Variants in CFAP77 observed in about 807,000 individuals in gnomAD.
The protein encoded by CFAP77 is cilia and flagella associated protein 77, also known as cilia- and flagella-associated protein 77.
CFAP77 carries 25 observed loss-of-function variants against 31.1 expected under a neutral mutation model. The ratio of observed to expected loss-of-function variants is 0.80; its 90% confidence interval spans 0.59 to 1.12. CFAP77 has a LOEUF of 1.12. CFAP77 is among the 50% of genes most tolerant of loss of function. The pLI is 0.00. For synonymous variants in CFAP77, 151 were observed against 159.9 expected, an observed-to-expected ratio of 0.94 and a Z score of 0.42; for missense variants, 377 against 397.3, an observed-to-expected ratio of 0.95 and a Z score of 0.44.
chr9:132,496,206 T>TAAA (rs61589827), intron 1 of CFAP77, among the ~76,000 whole-genome samples: 26 of 152,058 alleles, frequency 1.7e-4, no homozygotes, highest in African/African-American at 5.5e-4. Flanking sequence ...TCTATTTTTT[T>TAAA]AAAAAAAACC....
intron 3 of CFAP77, among the ~76,000 whole-genome samples, chr9:132,514,031 G>A (rs1419532430): frequency 7.9e-6 from 1 of 127,202 alleles, no homozygotes; most frequent in Non-Finnish European, 1.7e-5. Context: ...CTGAACACGG[G>A]TGACAGTGAG....
intron 1 of CFAP77, among the ~76,000 whole-genome samples, chr9:132,451,807 C>CTT (rs374213873): frequency 0.028 from 4,010 of 141,680 alleles, 143 homozygotes; most frequent in East Asian, 0.17. Flanking sequence ...TTTTTCTTTT[C>CTT]TTTTTTTTTT....
intron 1 of CFAP77, among the ~76,000 whole-genome samples, chr9:132,484,201 G>A (rs961802254): frequency 3.9e-5 from 6 of 152,252 alleles, no homozygotes; most frequent in Admixed American, 3.9e-4. Context: ...GCCTCCCAAA[G>A]TGTTGGGATT....
chr9:132,448,292 T>A (rs1332057963), intron 1 of CFAP77, among the ~76,000 whole-genome samples: 1 of 152,128 alleles, frequency 6.6e-6, no homozygotes, highest in African/African-American at 2.4e-5. Flanking sequence ...AGGAGAAGAA[T>A]GGAATGACTC....
intron 1 of CFAP77, among the ~76,000 whole-genome samples, chr9:132,457,321 G>C (rs1362893022): frequency 7.1e-6 from 1 of 141,522 alleles, no homozygotes. Flanking sequence ...GGGGGGCGGG[G>C]GGAGAAAGGA....
chr9:132,471,447 C>G lies in CFAP77; in HGVS notation c.196-27248C>G, dbSNP rs576129482. On this transcript the variant is annotated intron_variant, in intron 1 of 5. Transcript: ENST00000393216. ...CTTCTTCCTATTCCTTTAAGGACCC[C>G]CCCCCACCGTTGCCCACACACACAC... Among the ~76,000 whole-genome samples, 258 of 152,016 alleles carry G rather than the reference C, an allele frequency of 1.7e-3. 1 individual carries two copies. The highest frequency in any genetic ancestry group is 6.0e-3 in the African/African-American group (248 of 41,454).
rs1852071140 is a variant in CFAP77 at position 132,513,164 on chromosome 9, ACT to A, written c.524+13567_524+13568del. ...CTCCTCAAGCACACAATCCAATTCT[ACT>A]CTTAGTTATTTTTAAATGTGCAATT... On this transcript the variant is annotated intron_variant, in intron 3 of 5. Coordinates refer to ENST00000393216, the MANE Select transcript of CFAP77 (RefSeq NM_001282957.2). 4 of 1,296,110 alleles carry A rather than the reference ACT, an allele frequency of 3.1e-6. No individual in the cohort carries two copies. In the East Asian group the frequency reaches 1.0e-4, roughly 33 times the overall value. 80.3% of individuals were successfully genotyped at this position (1,296,110 alleles called of 1,614,324 possible). A position where few individuals can be genotyped will look rare whatever the true frequency, so the allele number is the denominator to read the frequency against.
chr9:132,410,535 C>CA, intron 1 of CFAP77, 69 bp downstream of exon 1: 1 of 1,359,874 alleles, frequency 7.4e-7, no homozygotes, highest in Non-Finnish European at 9.8e-7. Flanking sequence ...CGGGGGTCCC[C>CA]ACCCGCAGCG....
chr9:132,518,358 G>A lies in CFAP77; in HGVS notation c.524+18758G>A, dbSNP rs542772368. ...CGAGATGACTGGATCATTCAGACCC[G>A]CCTTGGAGCCGCTCAGCACACAGCT... On this transcript the variant is annotated intron_variant, in intron 3 of 5. Coordinates refer to ENST00000393216, the MANE Select transcript of CFAP77 (RefSeq NM_001282957.2). Among the ~76,000 whole-genome samples the A allele has an allele frequency of 1.8e-4, 28 of 152,248 alleles. No homozygotes were observed. In the South Asian group the frequency reaches 4.8e-3, roughly 26 times the overall value.
intron 1 of CFAP77, among the ~76,000 whole-genome samples, chr9:132,468,743 T>C (rs1472162180): frequency 2.0e-5 from 3 of 151,958 alleles, no homozygotes; most frequent in Non-Finnish European, 4.4e-5. Flanking sequence ...ACCTTTCACA[T>C]TGTAGGTGCT....
At chr9:132,473,105 G>T (rs1000211969) in intron 1 of CFAP77, among the ~76,000 whole-genome samples, 2 of 152,112 alleles carry the variant, frequency 1.3e-5, no homozygotes, top group African/African-American at 4.8e-5. Context: ...GGAGTCAGGG[G>T]TTGGGGGAGG....
chr9:132,482,171 C>G, intron 1 of CFAP77: 21 of 576,248 alleles, frequency 3.6e-5, no homozygotes, highest in Non-Finnish European at 4.0e-5. Context: ...TTTTCCTTTT[C>G]TCTCTTTCTT....
rs749849495 is a variant in CFAP77, at chr9:132,537,649, G to A, written c.573G>A (p.Leu191=). 6.2e-6 allele frequency: 10 copies of A among 1,613,628 alleles called. No individual in the cohort carries two copies. Among genetic ancestry groups the A allele is most frequent in the Non-Finnish European group, 6.8e-6 (8 of 1,179,758 alleles). ...TGCTGCAGCACCGGTACCTGCAGCT[G>A]TGGGTACAGGAACAAAAGGCCACCC... ...FDLLQHRYLQ[L]WVQEQKATQK... The change falls in exon 4 of 6, where the codon CTG becomes CTA. Residue 191 remains leucine (L), a synonymous_variant. Transcript: ENST00000393216.
rs200071680 is a variant in CFAP77, at chr9:132,499,035, C to CA, written c.295+241_295+242insA. On this transcript the variant is annotated intron_variant, in intron 2 of 5. Transcript: ENST00000393216. This position sits in a 1 kb window ranked among gnomAD's most constrained non-coding sequence, Gnocchi z 5.4. Reference sequence around the variant, plus strand: ...GCATGGGTATCCCCGCACCGCCCCCCTTCCCCGCCGCCGGCAGGGACTGTG... The same window carrying CA: ...GCATGGGTATCCCCGCACCGCCCCCCATTCCCCGCCGCCGGCAGGGACTGTG... Among the ~76,000 whole-genome samples the CA allele has an allele frequency of 5.1e-3, 780 of 152,228 alleles. 8 individuals carry two copies. The highest frequency in any genetic ancestry group is 0.018 in the African/African-American group (732 of 41,510).
At chr9:132,428,220 G>C (rs1389199047) in intron 1 of CFAP77, among the ~76,000 whole-genome samples, 1 of 151,076 alleles carries the variant, frequency 6.6e-6, no homozygotes, top group Non-Finnish European at 1.5e-5. Flanking sequence ...GTGTTACCCA[G>C]TCTGTTCTCA....
At chr9:132,439,787 T>A (rs188678873) in intron 1 of CFAP77, among the ~76,000 whole-genome samples, 1 of 147,810 alleles carries the variant, frequency 6.8e-6, no homozygotes, top group Non-Finnish European at 1.5e-5. Context: ...AGGCGGAGCT[T>A]GTAGTGAGCC....
rs974055020 is a variant in CFAP77 at position 132,554,924 on chromosome 9, G to GCATGCATCCATC, written c.732+11880_732+11881insGCATCCATCCAT. Among the ~76,000 whole-genome samples the GCATGCATCCATC allele has an allele frequency of 1.4e-5, 2 of 138,930 alleles. No homozygotes were observed. Among genetic ancestry groups the GCATGCATCCATC allele is most frequent in the Middle Eastern group, 3.8e-3 (1 of 266 alleles). The allele number at this position is 138,930 out of a possible 152,430, so 91.1% of individuals were successfully genotyped here. ...TCCATCCATCTATGCATGCATGCAT[G>GCATGCATCCATC]CATCCATCCATCCACCCATCCATCC... is the stretch of plus-strand genomic sequence containing the variant. On this transcript the variant is annotated intron_variant, in intron 5 of 5. Coordinates refer to ENST00000393216, the MANE Select transcript of CFAP77 (RefSeq NM_001282957.2). The surrounding 1 kb of genome is among the most constrained non-coding windows in gnomAD (Gnocchi z 4.1).
intron 1 of CFAP77, among the ~76,000 whole-genome samples, chr9:132,464,556 A>G (rs1037419604): frequency 1.3e-5 from 2 of 152,224 alleles, no homozygotes; most frequent in African/African-American, 4.8e-5. Context: ...ATGACATATT[A>G]TTTAACCCAC....
At chr9:132,448,776 G>A (rs1405971250) in intron 1 of CFAP77, among the ~76,000 whole-genome samples, 1 of 152,006 alleles carries the variant, frequency 6.6e-6, no homozygotes, top group Non-Finnish European at 1.5e-5. Context: ...TAGTAGAGAC[G>A]GGGTTTCACC....
Sources: gnomAD v4.1 joint callset for allele counts (sites outside exome capture counted in the v4.1 genomes callset) on GRCh38, gnomAD v4.1.1 for gene constraint, Gnocchi (gnomAD v3.1) non-coding constraint, MANE v1.5 for transcripts, NCBI Gene and HGNC (gene_info 2026-07-23, HGNC 2026-07-21) for gene names.